MDN1: variants seen among roughly 807,000 people sequenced by gnomAD.
The protein encoded by MDN1 is midasin.
In MDN1, 266 loss-of-function variants were observed where a neutral mutation model predicts 669.2. The ratio of observed to expected loss-of-function variants is 0.40; its 90% CI spans 0.36 to 0.44. The LOEUF (loss-of-function observed/expected upper bound fraction) is 0.44. Ranked by LOEUF, MDN1 falls within the 20% of genes least tolerant of loss-of-function variation. The pLI is 1.00. For missense variants in MDN1, 5,940 were observed against 6,754.0 expected, an observed-to-expected ratio of 0.88 and a Z score of 4.22; for synonymous variants, 2,385 against 2,457.1, an observed-to-expected ratio of 0.97 and a Z score of 0.87.
intron 33 of MDN1, among the ~76,000 whole-genome samples, chr6:89,736,020 A>G (rs1815949694): frequency 6.6e-6 from 1 of 152,198 alleles, no homozygotes; most frequent in Non-Finnish European, 1.5e-5. Flanking sequence ...AAATTCATCA[A>G]ATCTTAACTA....
Position 89,743,609 on chromosome 6 carries a change from G to A in MDN1, c.4284C>T (p.Gly1428=). Residue 1428 remains glycine (G), a synonymous_variant, in exon 30 of 102, where the codon GGC becomes GGT. Transcript: ENST00000369393. ...LHMETSDFLG[G]LRPVRQKPND... ...TTGGCTTTTGTCTCACTGGCCGCAGGCCACCCAGGAAGTCTGATGTCTCCA... is the reference window on the plus strand; with the variant it reads ...TTGGCTTTTGTCTCACTGGCCGCAGACCACCCAGGAAGTCTGATGTCTCCA... 6.2e-7 allele frequency: 1 copy of A among 1,614,096 alleles called. No individual in the cohort carries two copies. The highest frequency in any genetic ancestry group is 8.5e-7 in the Non-Finnish European group (1 of 1,179,992).
intron 37 of MDN1, among the ~76,000 whole-genome samples, chr6:89,726,493 A>G (rs1350490003): frequency 5.3e-5 from 8 of 151,770 alleles, no homozygotes; most frequent in Non-Finnish European, 8.8e-5. Flanking sequence ...AAAAAAAAAA[A>G]AAAGAAAAGA....
At chr6:89,682,393 C>T (rs544637094) in intron 73 of MDN1, among the ~76,000 whole-genome samples, 10 of 152,196 alleles carry the variant, frequency 6.6e-5, no homozygotes, top group East Asian at 3.9e-4. Context: ...GTTGGGAGGC[C>T]GAGGCAGGGA....
intron 2 of MDN1, among the ~76,000 whole-genome samples, chr6:89,796,341 A>AACC (rs1554199820): frequency 2.7e-5 from 3 of 110,220 alleles, no homozygotes; most frequent in African/African-American, 3.8e-5. Flanking sequence ...AAAAAAAAAA[A>AACC]AAAAAAAAAC....
chr6:89,646,907 C>T (rs1584075346), intron 99 of MDN1, among the ~76,000 whole-genome samples: 1 of 152,112 alleles, frequency 6.6e-6, no homozygotes, highest in Admixed American at 6.5e-5. Flanking sequence ...CTCAGCCTGC[C>T]GCCAAGTAAC....
chr6:89,799,527 T>C (rs1454026327), intron 2 of MDN1, among the ~76,000 whole-genome samples: 2 of 152,060 alleles, frequency 1.3e-5, no homozygotes, highest in African/African-American at 4.8e-5. Flanking sequence ...CTACTAAAAA[T>C]ACAAAATTAG....
At position 89,702,046 on chromosome 6, in the gene MDN1, G is replaced by A. The variant is rs372082293; in HGVS notation, c.8164C>T (p.Arg2722Trp). The A allele has an allele frequency of 1.8e-5, 29 of 1,601,192 alleles. No homozygotes were observed. The highest frequency in any genetic ancestry group is 5.6e-5 in the South Asian group (5 of 88,654). ...ACAGTCCAGAACCGGTCCCGCCACCGCAGAGAACCTAAGATCTAAAAACAA... is the reference window on the plus strand; with the variant it reads ...ACAGTCCAGAACCGGTCCCGCCACCACAGAGAACCTAAGATCTAAAAACAA... The part of the protein sequence containing the change: ...ASANEILGSL[R>W]WRDRFWTVAD... Residue 2722 changes from arginine to tryptophan, a missense_variant, in exon 54 of 102, where the codon CGG (arginine) becomes TGG (tryptophan). Physicochemically the swap from Arg to Trp is moderately radical, Grantham distance 101. Around this residue, in one of 5 missense-constraint regions of MDN1, gnomAD observed 2,292 missense variants for 2,638.3 expected, o/e 0.87. Transcript: ENST00000369393.
chr6:89,732,842 AG>A, intron 33 of MDN1, 67 bp from the exon 34 acceptor site: 1 of 1,459,602 alleles, frequency 6.9e-7, no homozygotes, highest in Non-Finnish European at 9.4e-7. Flanking sequence ...GTTCATAACC[AG>A]GGGCACACAA....
chr6:89,690,096 TC>T lies in MDN1; in HGVS notation c.10796del (p.Gly3599GlufsTer25). ...CTTCCTCTTCTTGCCCATCTGAAGT[TC>T]CTTTGTTCTCCTCCAACGTTGGCTG... The part of the protein sequence containing the change: ...LVQPTLEENK[G>X]TSDGQEEEAG... On this transcript the variant is annotated frameshift_variant, in exon 65 of 102. Transcript: ENST00000369393. LOFTEE classifies it high-confidence loss of function. 6.2e-7 allele frequency: 1 copy of T among 1,614,188 alleles called. No homozygotes were observed. The highest frequency in any genetic ancestry group is 8.5e-7 in the Non-Finnish European group (1 of 1,180,028).
chr6:89,652,343 T>C (rs1808937772), intron 94 of MDN1, 62 bp from the exon 95 acceptor site: 1 of 1,275,446 alleles, frequency 7.8e-7, no homozygotes, highest in Non-Finnish European at 1.1e-6. Context: ...TTAGTATCAC[T>C]GGGTGTCTTC....
At chr6:89,710,604 G>A in intron 50 of MDN1, 77 bp downstream of exon 50, 1 of 761,914 alleles carries the variant, frequency 1.3e-6, no homozygotes, top group Non-Finnish European at 2.0e-6. Flanking sequence ...ACCTCTAACA[G>A]GTCAGATCTT....
chr6:89,757,351 G>A (rs189267212), intron 19 of MDN1, among the ~76,000 whole-genome samples: 22 of 152,186 alleles, frequency 1.4e-4, no homozygotes, highest in Admixed American at 6.5e-4. Context: ...TAAAATATGC[G>A]TATACTGGTA....
At chr6:89,651,545 G>A (rs1338177060) in intron 95 of MDN1, among the ~76,000 whole-genome samples, 1 of 152,094 alleles carries the variant, frequency 6.6e-6, no homozygotes, top group African/African-American at 2.4e-5. Flanking sequence ...GAACCCGGGA[G>A]GCAGAGCTTG....
At chr6:89,720,605 A>C (rs1245453840) in intron 40 of MDN1, among the ~76,000 whole-genome samples, 1 of 152,160 alleles carries the variant, frequency 6.6e-6, no homozygotes, top group African/African-American at 2.4e-5. Flanking sequence ...ACTTCCACAT[A>C]CCACAATGAC....
intron 9 of MDN1, among the ~76,000 whole-genome samples, chr6:89,782,456 C>G (rs1009544215): frequency 6.6e-6 from 1 of 151,920 alleles, no homozygotes; most frequent in Non-Finnish European, 1.5e-5. Flanking sequence ...GGCAGGGTGG[C>G]ACACACCTGT....
intron 38 of MDN1, among the ~76,000 whole-genome samples, chr6:89,724,225 C>T (rs763957312): frequency 8.6e-5 from 13 of 151,990 alleles, no homozygotes; most frequent in Non-Finnish European, 1.2e-4. Flanking sequence ...GTGGTAGATA[C>T]GAGTATTCAC....
At chr6:89,681,415 C>T (rs2128306183) in intron 73 of MDN1, among the ~76,000 whole-genome samples, 1 of 152,312 alleles carries the variant, frequency 6.6e-6, no homozygotes, top group East Asian at 1.9e-4. Context: ...CTCAAATGAT[C>T]TGCCTGCCTT....
chr6:89,713,395 A>C, intron 46 of MDN1, 99 bp from the exon 47 acceptor site: 2 of 1,066,272 alleles, frequency 1.9e-6, no homozygotes, highest in Non-Finnish European at 2.7e-6. Flanking sequence ...CTTCCTGTCA[A>C]CCCCACCCAA....
chr6:89,721,750 G>T (rs547317308), intron 40 of MDN1, among the ~76,000 whole-genome samples: 5 of 151,934 alleles, frequency 3.3e-5, no homozygotes, highest in Non-Finnish European at 7.4e-5. Context: ...GAGTCTCATG[G>T]CACAAGAAGA....
Sources: gnomAD v4.1 joint callset for allele counts (sites outside exome capture counted in the v4.1 genomes callset) on GRCh38, gnomAD v4.1.1 for gene constraint, gnomAD v4.1.1 regional missense constraint, MANE v1.5 for transcripts, NCBI Gene and HGNC (gene_info 2026-07-23, HGNC 2026-07-21) for gene names.